Variants in HSPBP1 observed in about 807,000 individuals in gnomAD.
HSPBP1 encodes hsp70-binding protein 1.
HSPBP1 carries 31 observed loss-of-function variants against 41.7 expected under a neutral mutation model. The ratio of observed to expected loss-of-function variants is 0.74; its 90% confidence interval spans 0.56 to 1.00. The LOEUF (loss-of-function observed/expected upper bound fraction) is 1.00, where lower values mean the gene tolerates loss of function less well. Among genes scored for constraint, HSPBP1 ranks in the 50% least tolerant of loss-of-function variants. HSPBP1 has a pLI of 0.00. For synonymous variants in HSPBP1, 199 were observed against 214.4 expected (o/e 0.93, Z 0.63); for missense variants, 439 against 487.9 (o/e 0.90, Z 0.94).
chr19:55,277,558 G>T, intron 3 of HSPBP1, 84 bp downstream of exon 3: 1 of 1,346,590 alleles, frequency 7.4e-7, no homozygotes. Flanking sequence ...CTGACGGTGT[G>T]AGCCCCAAGA....
rs943335974 is a variant in HSPBP1, at chr19:55,277,926, A to G, written c.211-80T>C. 6 of 1,147,778 alleles carry G rather than the reference A, an allele frequency of 5.2e-6. No individual in the cohort carries two copies. The African/African-American group carries it at 9.4e-5, about 18-fold the overall frequency. 71.1% of individuals were successfully genotyped at this position (1,147,778 alleles called of 1,614,324 possible). A position where few individuals can be genotyped will look rare whatever the true frequency, so the allele number is the denominator to read the frequency against. On this transcript the variant is annotated intron_variant, in intron 2 of 7. Coordinates refer to ENST00000433386, the MANE Select transcript of HSPBP1 (RefSeq NM_012267.5). ...GGAACAGCCATTAATAAAGACAGCC[A>G]ACAACTGAGGGCTGATGTTCCTTCA...
intron 7 of HSPBP1, 149 bp downstream of exon 7, chr19:55,265,129 C>T: frequency 1.7e-6 from 1 of 597,632 alleles, no homozygotes; most frequent in South Asian, 1.9e-5. Flanking sequence ...TCCCCGTGTA[C>T]CTGGTCCTCC....
rs150114518 is a variant in HSPBP1, at chr19:55,264,634, T to G, written c.1005+644A>C. 2.0e-5 allele frequency among the ~76,000 whole-genome samples: 3 copies of G among 152,322 alleles called. No homozygotes were observed. The East Asian group carries it at 5.8e-4, about 29-fold the overall frequency. On this transcript the variant is annotated intron_variant, in intron 7 of 7. Transcript: ENST00000433386. ...ATGAAATAGTTAAATCATTAAGACA[T>G]TTGAGTGATATTATATTCAATTTAC...
rs1419572508 is a variant in HSPBP1 at position 55,270,455 on chromosome 19, AACC to A, written c.640+3940_640+3942del. ...CGAGGCCCGGCTGACGGCTGACCAC[AACC>A]TCATGCAACCTCATGCAACCTCATG... On this transcript the variant is annotated intron_variant, in intron 4 of 7. Coordinates refer to ENST00000433386, the MANE Select transcript of HSPBP1 (RefSeq NM_012267.5). This position sits in a 1 kb window ranked among gnomAD's most constrained non-coding sequence, Gnocchi z 5.4. Among the ~76,000 whole-genome samples the A allele has an allele frequency of 6.6e-6, 1 of 151,220 alleles. No individual in the cohort carries two copies. Among genetic ancestry groups the A allele is most frequent in the African/African-American group, 2.4e-5 (1 of 41,248 alleles).
chr19:55,270,137 G>A lies in HSPBP1; in HGVS notation c.641-3851C>T, dbSNP rs571122580. On this transcript the variant is annotated intron_variant, in intron 4 of 7. Coordinates refer to ENST00000433386, the MANE Select transcript of HSPBP1 (RefSeq NM_012267.5). The surrounding 1 kb of genome is among the most constrained non-coding windows in gnomAD (Gnocchi z 5.4). ...AAAAAAGGACAGATGCCACTGAATG[G>A]TATACTTTAACATTTTCATGTGAAT... is the stretch of plus-strand genomic sequence containing the variant. Among the ~76,000 whole-genome samples the A allele has an allele frequency of 9.2e-5, 14 of 152,286 alleles. No individual in the cohort carries two copies. In the East Asian group the frequency reaches 2.5e-3, roughly 27 times the overall value.
chr19:55,277,709 G>GTCGGCCGCCTGC lies in HSPBP1; in HGVS notation c.336_347dup (p.Glu112_Ala115dup). 1 of 1,604,988 alleles carries GTCGGCCGCCTGC rather than the reference G, an allele frequency of 6.2e-7. No individual in the cohort carries two copies. On this transcript the variant is annotated inframe_insertion, in exon 3 of 8. Transcript: ENST00000433386. ...CCAGGGCCCCCTCTCGCTCTTGCTG[G>GTCGGCCGCCTGC]TCGGCCGCCTGCTCGGCCTCCCCAG...
intron 2 of HSPBP1, among the ~76,000 whole-genome samples, chr19:55,278,923 C>CCCCAAAAA (rs764250410): frequency 4.4e-5 from 4 of 90,666 alleles, no homozygotes; most frequent in South Asian, 3.9e-4. Flanking sequence ...CTGCCCCCAC[C>CCCCAAAAA]AAAAAAAAAA....
intron 3 of HSPBP1, among the ~76,000 whole-genome samples, chr19:55,276,466 CAT>C (rs1258214504): frequency 6.6e-6 from 1 of 152,124 alleles, no homozygotes; most frequent in Non-Finnish European, 1.5e-5. Context: ...AGAAGATACA[CAT>C]ATATATTTAT....
At chr19:55,277,133 G>A (rs748828017) in intron 3 of HSPBP1, among the ~76,000 whole-genome samples, 14 of 152,096 alleles carry the variant, frequency 9.2e-5, no homozygotes, top group Non-Finnish European at 1.8e-4. Flanking sequence ...CCCCATCTGC[G>A]AGGCCCACCC....
At chr19:55,266,475 TCCTCACC>T (rs2087787147) in intron 4 of HSPBP1, among the ~76,000 whole-genome samples, 189 bp from the exon 5 acceptor site, 1 of 326 alleles carries the variant, frequency 3.1e-3, no homozygotes. Context: ...ATCACCACCA[TCCTCACC>T]ACCACCACCA....
chr19:55,262,302 C>G lies in HSPBP1; in HGVS notation c.*306G>C. On this transcript the variant is annotated 3_prime_UTR_variant, in exon 8 of 8. Coordinates refer to ENST00000433386, the MANE Select transcript of HSPBP1 (RefSeq NM_012267.5). ...TAAACCCGTGCCCCTCCTCCCGTCC[C>G]CCATGCACCCTCCAAAGGAGATGAC... The G allele has an allele frequency of 8.7e-7, 1 of 1,153,264 alleles. No homozygotes were observed. The highest frequency in any genetic ancestry group is 1.1e-6 in the Non-Finnish European group (1 of 918,868). 71.4% of individuals were successfully genotyped at this position (1,153,264 alleles called of 1,614,324 possible).
At chr19:55,263,739 C>T (rs536069950) in intron 7 of HSPBP1, among the ~76,000 whole-genome samples, 1 of 152,290 alleles carries the variant, frequency 6.6e-6, no homozygotes, top group Admixed American at 6.5e-5. Context: ...AATTCACATG[C>T]ACCTTTGCTC....
chr19:55,267,253 C>G (rs1053502953), intron 4 of HSPBP1, among the ~76,000 whole-genome samples: 3 of 152,244 alleles, frequency 2.0e-5, no homozygotes, highest in South Asian at 4.1e-4. Flanking sequence ...CAGGTTCAAA[C>G]TATTCTTCAG....
chr19:55,278,551 T>C (rs1446742989), intron 2 of HSPBP1, among the ~76,000 whole-genome samples: 1 of 152,086 alleles, frequency 6.6e-6, no homozygotes, highest in Non-Finnish European at 1.5e-5. Context: ...ATGAGAAAGT[T>C]GAGTCACAGA....
Position 55,277,885 on chromosome 19 carries a change from A to G in HSPBP1, c.211-39T>C. On this transcript the variant is annotated intron_variant, in intron 2 of 7. Transcript: ENST00000433386. Reference sequence around the variant, plus strand: ...CGAGGAGGAAAGAAGGAGATCCATCAGTCATTCATTACAAAGGAACAGCCA... The same window carrying G: ...CGAGGAGGAAAGAAGGAGATCCATCGGTCATTCATTACAAAGGAACAGCCA... 3.4e-6 allele frequency: 5 copies of G among 1,452,010 alleles called. No individual in the cohort carries two copies. In the South Asian group the frequency reaches 5.6e-5, roughly 16 times the overall value. 89.9% of individuals were successfully genotyped at this position (1,452,010 alleles called of 1,614,324 possible). A position where few individuals can be genotyped will look rare whatever the true frequency, so the allele number is the denominator to read the frequency against.
rs757103930 is a variant in HSPBP1 at position 55,277,690 on chromosome 19, C to A, written c.367G>T (p.Ala123Ser). The stretch of plus-strand genomic sequence containing the variant: ...CACAGGTCGGCCAGCAGCTCCAGGG[C>A]CCCCTCTCGCTCTTGCTGGTCGGCC... ...QAADQQEREG[A>S]LELLADLCEN... The change falls in exon 3 of 8, where the codon GCC becomes TCC. Residue 123 changes from alanine to serine, a missense_variant. Coordinates refer to ENST00000433386, the MANE Select transcript of HSPBP1 (RefSeq NM_012267.5). 6.2e-7 allele frequency: 1 copy of A among 1,605,612 alleles called. No individual in the cohort carries two copies. The highest frequency in any genetic ancestry group is 8.5e-7 in the Non-Finnish European group (1 of 1,176,992).
intron 7 of HSPBP1, 132 bp from the exon 8 acceptor site, chr19:55,262,814 G>T: frequency 1.3e-6 from 1 of 753,888 alleles, no homozygotes; most frequent in Non-Finnish European, 2.2e-6. Context: ...CAGAGGTTAG[G>T]CTTTTTTAAT....
At chr19:55,265,257 C>T in intron 7 of HSPBP1, 21 bp downstream of exon 7, 2 of 1,548,438 alleles carry the variant, frequency 1.3e-6, no homozygotes, top group Non-Finnish European at 8.8e-7. Context: ...CCTCCTTGCA[C>T]CCCGTCCCCT....
rs2087745623 is a variant in HSPBP1 at position 55,265,293 on chromosome 19, C to G, written c.990G>C (p.Gln330His). 2 of 1,607,402 alleles carry G rather than the reference C, an allele frequency of 1.2e-6. No individual in the cohort carries two copies. The highest frequency in any genetic ancestry group is 1.7e-4 in the Middle Eastern group (1 of 6,028). Residue 330 changes from glutamine to histidine, a missense_variant, in exon 7 of 8, where the codon CAG becomes CAC. Physicochemically the swap from Gln to His is conservative, Grantham distance 24 (BLOSUM62 0). Coordinates refer to ENST00000433386, the MANE Select transcript of HSPBP1 (RefSeq NM_012267.5). ...CCCCATGTACCTGGTACTCCTCATG[C>G]TGCTGCAGCAGCTGACAGCGGTGGC... is the stretch of plus-strand genomic sequence containing the variant. ...LLRHRCQLLQ[Q>H]HEEYQEELEF... is the part of the protein sequence containing the mutation.
Sources: allele counts gnomAD v4.1 joint callset (sites outside exome capture counted in the v4.1 genomes callset), GRCh38; gene constraint gnomAD v4.1.1; non-coding constraint Gnocchi (gnomAD v3.1); transcripts MANE v1.5; gene names NCBI Gene and HGNC (gene_info 2026-07-23, HGNC 2026-07-21).